ERC1: variants seen among roughly 807,000 people sequenced by gnomAD.
ERC1 encodes ELKS/RAB6-interacting/CAST family member 1.
A neutral mutation model predicts 132.0 loss-of-function variants in ERC1; 56 were observed. The ratio of observed to expected loss-of-function variants is 0.42; its 90% confidence interval spans 0.34 to 0.53. The LOEUF (loss-of-function observed/expected upper bound fraction) is 0.53. Ranked by LOEUF, ERC1 falls within the 20% of genes least tolerant of loss-of-function variation. ERC1 has a pLI of 0.03. For synonymous variants in ERC1, 478 were observed against 476.1 expected, an observed-to-expected ratio of 1.00 and a Z score of -0.05; for missense variants, 1,202 against 1,349.9, an observed-to-expected ratio of 0.89 and a Z score of 1.72.
In ERC1 at chr12:1,451,171, C is replaced by T. The variant is rs141287289; in HGVS notation, c.3213+6421C>T. On this transcript the variant is annotated intron_variant, in intron 18 of 18. Transcript: ENST00000360905. ...ACACATTTTTTTATTTTCAGGAAGT[C>T]CCATTTGTCTATTTTAATCATTTAT... Among the ~76,000 whole-genome samples the T allele has an allele frequency of 4.6e-3, 702 of 152,124 alleles. 4 individuals carry two copies. The highest frequency in any genetic ancestry group is 0.016 in the African/African-American group (658 of 41,512).
chr12:1,483,180 C>G (rs754787512), intron 18 of ERC1, among the ~76,000 whole-genome samples: 2 of 152,004 alleles, frequency 1.3e-5, no homozygotes, highest in Non-Finnish European at 2.9e-5. Flanking sequence ...TGCATATAGT[C>G]CCAGCTACTT....
chr12:1,436,035 A>G (rs1261337459), intron 17 of ERC1, among the ~76,000 whole-genome samples: 2 of 152,214 alleles, frequency 1.3e-5, no homozygotes, highest in Non-Finnish European at 2.9e-5. Flanking sequence ...AGCACTCAGC[A>G]GTAGACTTAT....
intron 16 of ERC1, among the ~76,000 whole-genome samples, chr12:1,394,361 C>T (rs1014321983): frequency 5.3e-5 from 8 of 152,194 alleles, no homozygotes; most frequent in African/African-American, 1.9e-4. Flanking sequence ...GATTGCGCCA[C>T]TGCACTCTAG....
intron 8 of ERC1, among the ~76,000 whole-genome samples, chr12:1,160,788 T>C (rs1420238399): frequency 1.3e-5 from 2 of 152,156 alleles, no homozygotes; most frequent in African/African-American, 4.8e-5. Flanking sequence ...AGAGACAAGG[T>C]CTCACTGTGT....
At position 1,115,066 on chromosome 12, in the gene ERC1, C is replaced by T. The variant is rs191195227; in HGVS notation, c.1402-800C>T. Among the ~76,000 whole-genome samples the T allele has an allele frequency of 3.3e-5, 5 of 152,228 alleles. No individual in the cohort carries two copies. The East Asian group carries it at 9.7e-4, about 29-fold the overall frequency. ...AGTGACACCGAAATTACTGACTTGT[C>T]AAATGTATACTTCCAATAATTAGTA... On this transcript the variant is annotated intron_variant, in intron 6 of 18. Coordinates refer to ENST00000360905, the MANE Select transcript of ERC1 (RefSeq NM_178040.4).
At chr12:1,307,167 T>G (rs1188818831) in intron 15 of ERC1, among the ~76,000 whole-genome samples, 3 of 152,222 alleles carry the variant, frequency 2.0e-5, no homozygotes, top group Non-Finnish European at 4.4e-5. Context: ...ATCAACTTTG[T>G]TTTTTTCCTG....
chr12:1,030,512 C>T (rs1967821611), intron 2 of ERC1, among the ~76,000 whole-genome samples: 1 of 151,990 alleles, frequency 6.6e-6, no homozygotes, highest in Non-Finnish European at 1.5e-5. Flanking sequence ...TTGGTTAAGG[C>T]CAGGAGTTTG....
intron 12 of ERC1, among the ~76,000 whole-genome samples, chr12:1,226,928 C>T (rs1420613185): frequency 2.0e-5 from 3 of 152,228 alleles, no homozygotes; most frequent in Non-Finnish European, 2.9e-5. Context: ...CCACCTGCCT[C>T]GGCCTCCCAA....
At chr12:1,349,412 C>G (rs538383891) in intron 15 of ERC1, among the ~76,000 whole-genome samples, 1 of 152,036 alleles carries the variant, frequency 6.6e-6, no homozygotes, top group Non-Finnish European at 1.5e-5. Context: ...GCCTGTAATC[C>G]CAGCACTTTG....
chr12:1,416,441 A>G (rs962800937), intron 17 of ERC1, among the ~76,000 whole-genome samples: 3 of 152,212 alleles, frequency 2.0e-5, no homozygotes, highest in African/African-American at 2.4e-5. Flanking sequence ...AACCAGCCCA[A>G]GTGAAACAGA....
intron 3 of ERC1, among the ~76,000 whole-genome samples, chr12:1,096,053 A>G (rs758642541): frequency 1.3e-5 from 2 of 151,902 alleles, no homozygotes; most frequent in Non-Finnish European, 2.9e-5. Flanking sequence ...AGCCCCCGCA[A>G]GTGGCTGGGA....
At chr12:1,043,591 A>G (rs1970628630) in intron 2 of ERC1, among the ~76,000 whole-genome samples, 1 of 152,150 alleles carries the variant, frequency 6.6e-6, no homozygotes, top group Admixed American at 6.5e-5. Context: ...TGCTTAGGAC[A>G]GGTCTGCATA....
chr12:1,327,882 T>G (rs1344695357), intron 15 of ERC1, among the ~76,000 whole-genome samples: 1 of 152,034 alleles, frequency 6.6e-6, no homozygotes, highest in African/African-American at 2.4e-5. Context: ...ATCTTCATCA[T>G]CAAGAAATGT....
At chr12:1,220,333 CT>C (rs1429227308) in intron 12 of ERC1, among the ~76,000 whole-genome samples, 1 of 152,054 alleles carries the variant, frequency 6.6e-6, no homozygotes, top group African/African-American at 2.4e-5. Flanking sequence ...ACATTGTATT[CT>C]TTTTTCTTCC....
chr12:1,317,352 C>A (rs9739515), intron 15 of ERC1, among the ~76,000 whole-genome samples: 5,242 of 151,924 alleles, frequency 0.035, 96 homozygotes, highest in Middle Eastern at 0.075. Context: ...GGAGCTGAAC[C>A]GTGAGAACAC....
At chr12:1,010,405 C>A (rs140312674) in intron 1 of ERC1, among the ~76,000 whole-genome samples, 1 of 147,860 alleles carries the variant, frequency 6.8e-6, no homozygotes, top group East Asian at 2.0e-4. Context: ...CGCTTGAACC[C>A]GGGAGGAGAG....
At chr12:1,076,397 CT>C (rs71293129) in intron 2 of ERC1, among the ~76,000 whole-genome samples, 110 of 130,936 alleles carry the variant, frequency 8.4e-4, no homozygotes, top group Middle Eastern at 8.0e-3. Context: ...TTTTCTTTTT[CT>C]TTTTTTTTTT....
rs76164656 is a variant in ERC1, at chr12:1,282,494, G to A, written c.2620-7358G>A. The stretch of plus-strand genomic sequence containing the variant: ...CATAGTTATAAAATACTGTACTGCC[G>A]GTATATATCTTGTCAAAGAATTACC... On this transcript the variant is annotated intron_variant, in intron 14 of 18. Transcript: ENST00000360905. Among the ~76,000 whole-genome samples the A allele has an allele frequency of 1.6e-4, 25 of 152,062 alleles. No homozygotes were observed. In the East Asian group the frequency reaches 3.5e-3, roughly 21 times the overall value.
At chr12:1,479,574 ATTC>A (rs2094044169) in intron 18 of ERC1, among the ~76,000 whole-genome samples, 1 of 152,214 alleles carries the variant, frequency 6.6e-6, no homozygotes, top group Non-Finnish European at 1.5e-5. Flanking sequence ...CATGTAGACT[ATTC>A]TTTTGAGAAA....
Sources: gnomAD v4.1 joint callset for allele counts (sites outside exome capture counted in the v4.1 genomes callset) on GRCh38, gnomAD v4.1.1 for gene constraint, MANE v1.5 for transcripts, NCBI Gene and HGNC (gene_info 2026-07-23, HGNC 2026-07-21) for gene names.